The following ETV6 variants were observed in gnomAD, a reference collection of about 807,000 sequenced individuals.
ETV6 encodes the protein transcription factor ETV6.
ETV6 carries 16 observed loss-of-function variants against 51.1 expected under a neutral mutation model. The observed-to-expected ratio is 0.31, with a 90% CI of 0.21 to 0.48. ETV6 has a LOEUF of 0.48. Ranked by LOEUF, ETV6 falls within the 20% of genes least tolerant of loss-of-function variation. The pLI is 0.99. For missense variants in ETV6, 458 were observed against 594.8 expected, an observed-to-expected ratio of 0.77 and a Z score of 2.39; for synonymous variants, 240 against 224.1, an observed-to-expected ratio of 1.07 and a Z score of -0.64.
intron 1 of ETV6, among the ~76,000 whole-genome samples, chr12:11,700,326 C>A (rs1247068500): frequency 6.6e-6 from 1 of 152,190 alleles, no homozygotes; most frequent in Non-Finnish European, 1.5e-5. Flanking sequence ...ATAGCCTTCA[C>A]CCTAGTAGTG....
intron 2 of ETV6, among the ~76,000 whole-genome samples, chr12:11,811,588 G>A (rs1945915184): frequency 6.6e-6 from 1 of 152,108 alleles, no homozygotes; most frequent in Admixed American, 6.6e-5. Flanking sequence ...ATCCCTTCCT[G>A]GATGCTTGTT....
chr12:11,767,668 T>C (rs774118220), intron 2 of ETV6, among the ~76,000 whole-genome samples: 4 of 152,252 alleles, frequency 2.6e-5, no homozygotes, highest in Non-Finnish European at 5.9e-5. Context: ...ATGACCTTAA[T>C]AAACTCTGTC....
intron 1 of ETV6, among the ~76,000 whole-genome samples, chr12:11,701,239 T>C (rs1446201673): frequency 2.0e-5 from 3 of 152,306 alleles, no homozygotes; most frequent in East Asian, 3.9e-4. Context: ...CCAGAACTTT[T>C]ACATCGTCCC....
chr12:11,677,116 C>T (rs1304296152), intron 1 of ETV6, among the ~76,000 whole-genome samples: 2 of 152,192 alleles, frequency 1.3e-5, no homozygotes, highest in South Asian at 2.1e-4. Context: ...TCCGAATCAA[C>T]TAAAGGGAGG....
chr12:11,715,192 C>T (rs529973592), intron 1 of ETV6, among the ~76,000 whole-genome samples: 1 of 152,128 alleles, frequency 6.6e-6, no homozygotes. Flanking sequence ...GAAATATAGG[C>T]TATTTCTCTT....
At chr12:11,730,729 T>C (rs1212693344) in intron 1 of ETV6, among the ~76,000 whole-genome samples, 1 of 152,230 alleles carries the variant, frequency 6.6e-6, no homozygotes, top group African/African-American at 2.4e-5. Flanking sequence ...TTTCCTCTTT[T>C]GCTTTGGAGT....
chr12:11,753,169 G>T (rs1433174729), intron 2 of ETV6, among the ~76,000 whole-genome samples: 1 of 151,986 alleles, frequency 6.6e-6, no homozygotes, highest in Admixed American at 6.6e-5. Flanking sequence ...CTCAGCAGCT[G>T]CAGTCTGTAG....
At chr12:11,692,214 A>G (rs943024630) in intron 1 of ETV6, among the ~76,000 whole-genome samples, 2 of 152,064 alleles carry the variant, frequency 1.3e-5, no homozygotes, top group African/African-American at 4.8e-5. Flanking sequence ...GCTTTATAAG[A>G]AGAGGAAGAG....
At chr12:11,788,342 A>G (rs1289472099) in intron 2 of ETV6, among the ~76,000 whole-genome samples, 1 of 152,142 alleles carries the variant, frequency 6.6e-6, no homozygotes, top group Non-Finnish European at 1.5e-5. Flanking sequence ...CCCCCTCCAC[A>G]GTGTGTAACC....
chr12:11,694,788 T>A (rs1864843083), intron 1 of ETV6, among the ~76,000 whole-genome samples: 1 of 152,248 alleles, frequency 6.6e-6, no homozygotes. Flanking sequence ...ATGTTCCTGC[T>A]GGTGCTTGGA....
intron 5 of ETV6, among the ~76,000 whole-genome samples, chr12:11,878,370 C>T (rs1017426601): frequency 1.3e-5 from 2 of 152,130 alleles, no homozygotes; most frequent in South Asian, 2.1e-4. Flanking sequence ...TGTGTAAGGG[C>T]GCACAGTGCT....
intron 5 of ETV6, among the ~76,000 whole-genome samples, chr12:11,874,063 T>G (rs769121633): frequency 2.7e-5 from 3 of 111,904 alleles, no homozygotes; most frequent in Non-Finnish European, 5.4e-5. Flanking sequence ...TTGAGATCTA[T>G]TGAGGTCATT....
chr12:11,848,061 CAAAG>C lies in ETV6; in HGVS notation c.329-5363_329-5360del, dbSNP rs142554655. 4.5e-4 allele frequency among the ~76,000 whole-genome samples: 68 copies of C among 152,232 alleles called. 2 individuals are homozygous for C. The East Asian group carries it at 0.012, about 27-fold the overall frequency. On this transcript the variant is annotated intron_variant, in intron 3 of 7. Transcript: ENST00000396373. The stretch of plus-strand genomic sequence containing the variant: ...TGCTTTAAATACAAAAGTACTGAAA[CAAAG>C]AACATTTTTTGCCAGATTTTGTGAG...
chr12:11,790,292 G>T (rs1182383847), intron 2 of ETV6, among the ~76,000 whole-genome samples: 1 of 151,962 alleles, frequency 6.6e-6, no homozygotes, highest in Non-Finnish European at 1.5e-5. Context: ...TTGTTTTGCT[G>T]TCTGCCTTCT....
At position 11,892,210 on chromosome 12, in the gene ETV6, A is replaced by AT. The variant is rs35812814; in HGVS notation, c.*1187dup. ...GTGGTCAGTTTCATGCCCTCACCTG[A>AT]TTTTTTTTTTTTTTTTTTTTTTTCA... On this transcript the variant is annotated 3_prime_UTR_variant, in exon 8 of 8. Coordinates refer to ENST00000396373, the MANE Select transcript of ETV6 (RefSeq NM_001987.5). 42,211 of 151,968 alleles carry AT rather than the reference A, an allele frequency of 0.28. 5,603 individuals carry two copies. The highest frequency in any genetic ancestry group is 0.32 in the Admixed American group (2,958 of 9,244). 9.4% of individuals were successfully genotyped at this position (151,968 alleles called of 1,614,324 possible).
At chr12:11,825,195 A>G (rs753877685) in intron 2 of ETV6, among the ~76,000 whole-genome samples, 2 of 152,244 alleles carry the variant, frequency 1.3e-5, no homozygotes, top group Admixed American at 6.5e-5. Context: ...CTTCCAAATG[A>G]AATGACAGAC....
At chr12:11,750,644 C>T (rs907768228) in intron 1 of ETV6, among the ~76,000 whole-genome samples, 3 of 152,054 alleles carry the variant, frequency 2.0e-5, no homozygotes, top group African/African-American at 7.2e-5. Context: ...GATATCTAGA[C>T]ATATAGTGGG....
At chr12:11,678,640 A>T (rs1231446470) in intron 1 of ETV6, among the ~76,000 whole-genome samples, 1 of 152,186 alleles carries the variant, frequency 6.6e-6, no homozygotes, top group Non-Finnish European at 1.5e-5. Flanking sequence ...CAAGGAGATA[A>T]TGTATTTATT....
chr12:11,732,312 C>T (rs1348337386), intron 1 of ETV6, among the ~76,000 whole-genome samples: 2 of 152,152 alleles, frequency 1.3e-5, no homozygotes, highest in African/African-American at 4.8e-5. Context: ...CTGCTAACTA[C>T]CTGATTTCCG....
Sources: gnomAD v4.1 joint callset for allele counts (sites outside exome capture counted in the v4.1 genomes callset) on GRCh38, gnomAD v4.1.1 for gene constraint, MANE v1.5 for transcripts, NCBI Gene and HGNC (gene_info 2026-07-23, HGNC 2026-07-21) for gene names.